Variants in CRACDL observed in about 807,000 individuals in gnomAD.
CRACDL encodes the protein CRACD like, also known as CRACD-like protein.
CRACDL carries 26 observed loss-of-function variants against 70.6 expected under a neutral mutation model. That is an observed-to-expected ratio of 0.37 (90% CI 0.27 to 0.51). The LOEUF is 0.51. CRACDL is among the 20% of genes least tolerant of loss of function. CRACDL has a pLI of 0.94. For synonymous variants in CRACDL, 618 were observed against 615.2 expected (o/e 1.00, Z -0.07); for missense variants, 1,283 against 1,376.9 (o/e 0.93, Z 1.08).
intron 1 of CRACDL, among the ~76,000 whole-genome samples, chr2:98,873,360 G>A (rs1174584727): frequency 1.3e-5 from 2 of 152,218 alleles, no homozygotes; most frequent in African/African-American, 4.8e-5. Flanking sequence ...AGCTGCCCAA[G>A]GCCACAAGGC....
At chr2:98,833,280 T>G (rs545752192) in intron 3 of CRACDL, among the ~76,000 whole-genome samples, 1 of 152,302 alleles carries the variant, frequency 6.6e-6, no homozygotes, top group African/African-American at 2.4e-5. Flanking sequence ...AGGTGTGAGG[T>G]GCAAGACAGC....
At chr2:98,908,325 G>A (rs1708464981) in intron 1 of CRACDL, 1 of 152,294 alleles carries the variant, frequency 6.6e-6, no homozygotes, top group Admixed American at 6.5e-5. Flanking sequence ...TGTGGGACAG[G>A]AATGGGTCCC....
intron 1 of CRACDL, chr2:98,897,462 C>A: frequency 8.7e-7 from 1 of 1,152,268 alleles, no homozygotes; most frequent in Non-Finnish European, 1.2e-6. Flanking sequence ...ATGGAGTATG[C>A]AGAAAATCAG....
rs1206251024 is a variant in CRACDL, at chr2:98,827,052, C to T, written c.658G>A (p.Asp220Asn). ...SYPAESSSCL[D>N]NSAAKHKLQV... ...AGCTTGTGCTTAGCTGCAGAGTTGT[C>T]CAGGCAGGAGGAGGATTCTGCAGGA... The change falls in exon 6 of 10, where the codon GAC becomes AAC. Residue 220 changes from aspartate to asparagine, a missense_variant. Physicochemically the swap from Asp to Asn is conservative, Grantham distance 23. Around this residue, in one of 2 missense-constraint regions of CRACDL, gnomAD observed 362 missense variants for 495.0 expected, o/e 0.73. Coordinates refer to ENST00000397899, the MANE Select transcript of CRACDL (RefSeq NM_207362.3). 2 of 1,613,998 alleles carry T rather than the reference C, an allele frequency of 1.2e-6. No homozygotes were observed. Among genetic ancestry groups the T allele is most frequent in the African/African-American group, 2.7e-5 (2 of 74,894 alleles).
chr2:98,913,655 A>G (rs4851175), intron 1 of CRACDL, among the ~76,000 whole-genome samples: 71,421 of 151,690 alleles, frequency 0.47, 18,508 homozygotes, highest in African/African-American at 0.68. Context: ...CCCAAAGGCA[A>G]GTCTGGGCAT....
At chr2:98,925,758 A>ACT (rs1708896200) in intron 1 of CRACDL, among the ~76,000 whole-genome samples, 1 of 152,208 alleles carries the variant, frequency 6.6e-6, no homozygotes, top group Non-Finnish European at 1.5e-5. Flanking sequence ...ACAAGGATTA[A>ACT]ATAAGATGAA....
At chr2:98,815,582 C>T (rs929727972) in intron 7 of CRACDL, among the ~76,000 whole-genome samples, 5 of 152,124 alleles carry the variant, frequency 3.3e-5, no homozygotes, top group South Asian at 4.1e-4. Context: ...TGTGCTAATA[C>T]GGGGGTATAG....
At chr2:98,813,842 T>G (rs1559207192) in intron 7 of CRACDL, among the ~76,000 whole-genome samples, 1 of 152,164 alleles carries the variant, frequency 6.6e-6, no homozygotes, top group Non-Finnish European at 1.5e-5. Context: ...CACGTGAAAA[T>G]GGAGTTTTCT....
chr2:98,929,940 G>A (rs1011247736), intron 1 of CRACDL, among the ~76,000 whole-genome samples: 2 of 152,048 alleles, frequency 1.3e-5, no homozygotes, highest in Non-Finnish European at 2.9e-5. Flanking sequence ...CGATACATTC[G>A]ACATGGAAAA....
At chr2:98,884,150 A>T (rs573524522) in intron 1 of CRACDL, among the ~76,000 whole-genome samples, 3 of 152,300 alleles carry the variant, frequency 2.0e-5, no homozygotes, top group Non-Finnish European at 4.4e-5. Context: ...GCCTGGTGCT[A>T]AGGAGGCCTG....
At chr2:98,900,269 G>C (rs1708241897) in intron 1 of CRACDL, among the ~76,000 whole-genome samples, 1 of 119,196 alleles carries the variant, frequency 8.4e-6, no homozygotes, top group Admixed American at 9.2e-5. Context: ...AGGGGACAGA[G>C]GCTCAGTGGG....
intron 1 of CRACDL, among the ~76,000 whole-genome samples, chr2:98,923,281 A>G (rs543472190): frequency 2.0e-5 from 3 of 152,156 alleles, no homozygotes; most frequent in South Asian, 2.1e-4. Context: ...AAAAAAAAAA[A>G]AAAAAGAAAA....
At chr2:98,886,512 A>T (rs1707800884) in intron 1 of CRACDL, among the ~76,000 whole-genome samples, 1 of 152,214 alleles carries the variant, frequency 6.6e-6, no homozygotes, top group African/African-American at 2.4e-5. Context: ...TGATCTTGAG[A>T]TTCTGCACAA....
rs529259657 is a variant in CRACDL, at chr2:98,900,887, C to T, written c.-11+35051G>A. 5.9e-5 allele frequency among the ~76,000 whole-genome samples: 9 copies of T among 152,242 alleles called. No individual in the cohort carries two copies. The South Asian group carries it at 8.3e-4, about 14-fold the overall frequency. On this transcript the variant is annotated intron_variant, in intron 1 of 9. Transcript: ENST00000397899. ...GGAAACAGAGACTCCAGTGTGGCTG[C>T]GGGAGGGTGCCTCACCAGTGAAGGA...
chr2:98,911,505 C>G (rs1413169993), intron 1 of CRACDL, among the ~76,000 whole-genome samples: 2 of 152,324 alleles, frequency 1.3e-5, no homozygotes, highest in East Asian at 3.9e-4. Context: ...CTTCGTGTGC[C>G]AGGCCCAGTT....
intron 2 of CRACDL, among the ~76,000 whole-genome samples, chr2:98,839,567 G>A (rs189297373): frequency 6.6e-6 from 1 of 152,124 alleles, no homozygotes; most frequent in Non-Finnish European, 1.5e-5. Flanking sequence ...AGCATTAATG[G>A]TCTCCTCAAG....
chr2:98,890,054 A>C (rs889850866), intron 1 of CRACDL, among the ~76,000 whole-genome samples: 1 of 152,226 alleles, frequency 6.6e-6, no homozygotes, highest in Non-Finnish European at 1.5e-5. Context: ...ATGTTAAAAA[A>C]GAAGAAAAGT....
At chr2:98,894,739 C>T (rs1708072966) in intron 1 of CRACDL, among the ~76,000 whole-genome samples, 1 of 152,192 alleles carries the variant, frequency 6.6e-6, no homozygotes, top group Admixed American at 6.5e-5. Context: ...AGTATGTCAA[C>T]AGTTATGATC....
intron 7 of CRACDL, among the ~76,000 whole-genome samples, chr2:98,819,815 CTTTT>C (rs34640405): frequency 3.0e-5 from 3 of 99,026 alleles, no homozygotes; most frequent in Non-Finnish European, 5.8e-5. Flanking sequence ...CTGAAACATT[CTTTT>C]TTTTTTTTTT....
Sources: allele counts gnomAD v4.1 joint callset (sites outside exome capture counted in the v4.1 genomes callset), GRCh38; gene constraint gnomAD v4.1.1; regional missense constraint gnomAD v4.1.1; transcripts MANE v1.5; gene names NCBI Gene and HGNC (gene_info 2026-07-23, HGNC 2026-07-21).